USP3: variants seen among roughly 807,000 people sequenced by gnomAD.
USP3 encodes the protein ubiquitin carboxyl-terminal hydrolase 3.
USP3 carries 20 observed loss-of-function variants against 72.3 expected under a neutral mutation model. The observed-to-expected ratio is 0.28, with a 90% CI of 0.19 to 0.40. The LOEUF is 0.40. Ranked by LOEUF, USP3 falls within the 10% of genes least tolerant of loss-of-function variation. USP3 has a pLI of 1.00. For missense variants in USP3, 479 were observed against 633.9 expected (o/e 0.76, Z 2.62); for synonymous variants, 222 against 225.3 (o/e 0.99, Z 0.13).
At position 63,590,652 on chromosome 15, in the gene USP3, C is replaced by T. The variant is rs1340529509; in HGVS notation, c.1398-9C>T. The T allele has an allele frequency of 3.9e-6, 6 of 1,542,484 alleles. No individual in the cohort carries two copies. Among genetic ancestry groups the T allele is most frequent in the Non-Finnish European group, 4.4e-6 (5 of 1,143,996 alleles). ...GGTTCTTTTTTCCTTTGGTCTTTTG[C>T]CTTTACAGGGTTGGTTCTGGACATT... On this transcript the variant is annotated splice_polypyrimidine_tract_variant and intron_variant, in intron 14 of 14. Transcript: ENST00000380324.
At chr15:63,557,725 G>C (rs2066537371) in intron 5 of USP3, among the ~76,000 whole-genome samples, 1 of 152,150 alleles carries the variant, frequency 6.6e-6, no homozygotes, top group Non-Finnish European at 1.5e-5. Flanking sequence ...AAAAATACTT[G>C]GGGTGTATAT....
At chr15:63,547,219 T>C (rs559936559) in intron 3 of USP3, among the ~76,000 whole-genome samples, 1 of 152,306 alleles carries the variant, frequency 6.6e-6, no homozygotes, top group African/African-American at 2.4e-5. Context: ...GCTGTTTTCC[T>C]TAAAGAATAG....
At chr15:63,530,998 G>A (rs2066066521) in intron 1 of USP3, among the ~76,000 whole-genome samples, 1 of 152,204 alleles carries the variant, frequency 6.6e-6, no homozygotes, top group South Asian at 2.1e-4. Context: ...AATGCCTTCA[G>A]TGCCTTCAAG....
At chr15:63,510,754 G>A (rs779236323) in intron 1 of USP3, among the ~76,000 whole-genome samples, 4 of 152,166 alleles carry the variant, frequency 2.6e-5, no homozygotes, top group Non-Finnish European at 5.9e-5. Flanking sequence ...ATTAACAACA[G>A]TAACAGCTTG....
chr15:63,560,428 A>AAAT (rs1198745237), intron 7 of USP3, among the ~76,000 whole-genome samples: 1 of 151,948 alleles, frequency 6.6e-6, no homozygotes, highest in Non-Finnish European at 1.5e-5. Flanking sequence ...AAAAAAAAAA[A>AAAT]AAAATTGTTG....
At chr15:63,531,811 T>TC (rs1356794011) in intron 1 of USP3, among the ~76,000 whole-genome samples, 4 of 152,140 alleles carry the variant, frequency 2.6e-5, no homozygotes, top group African/African-American at 9.7e-5. Flanking sequence ...GACTAGTGGC[T>TC]CCCAAGGGGC....
chr15:63,558,557 A>AC (rs926986687), intron 6 of USP3, among the ~76,000 whole-genome samples: 87 of 148,298 alleles, frequency 5.9e-4, no homozygotes, highest in African/African-American at 1.2e-3. Context: ...GATATCCCCC[A>AC]CCCCCCCGCT....
At chr15:63,577,796 G>A (rs1223138576) in intron 11 of USP3, among the ~76,000 whole-genome samples, 1 of 151,994 alleles carries the variant, frequency 6.6e-6, no homozygotes, top group Non-Finnish European at 1.5e-5. Flanking sequence ...GGGCATGGTG[G>A]TATATGCCTA....
intron 11 of USP3, among the ~76,000 whole-genome samples, chr15:63,575,046 T>A (rs1389449182): frequency 2.6e-5 from 4 of 152,146 alleles, no homozygotes; most frequent in African/African-American, 9.7e-5. Flanking sequence ...AGGCCGAGTC[T>A]GTATTTTATC....
chr15:63,542,168 T>A (rs1209508553), intron 3 of USP3: 1 of 985,112 alleles, frequency 1.0e-6, no homozygotes, highest in African/African-American at 1.7e-5. Flanking sequence ...TGAAAAAAAC[T>A]TAGAATTTTA....
At chr15:63,545,970 CAAAAAAAAAA>C (rs60122671) in intron 3 of USP3, among the ~76,000 whole-genome samples, 4 of 68,852 alleles carry the variant, frequency 5.8e-5, no homozygotes, top group African/African-American at 1.8e-4. Flanking sequence ...GACCTTGTCT[CAAAAAAAAAA>C]AAAAAAAAAA....
At chr15:63,519,576 G>A (rs2065891947) in intron 1 of USP3, among the ~76,000 whole-genome samples, 1 of 152,044 alleles carries the variant, frequency 6.6e-6, no homozygotes, top group Non-Finnish European at 1.5e-5. Flanking sequence ...GGTAATATTT[G>A]GTAGGTTAAT....
chr15:63,550,515 TA>T (rs1416767493), intron 3 of USP3, among the ~76,000 whole-genome samples: 2 of 152,258 alleles, frequency 1.3e-5, no homozygotes, highest in African/African-American at 4.8e-5. Flanking sequence ...ATCTACAACA[TA>T]AGATCAGTTT....
At chr15:63,506,009 T>A (rs1488436095) in intron 1 of USP3, among the ~76,000 whole-genome samples, 3 of 152,168 alleles carry the variant, frequency 2.0e-5, no homozygotes, top group African/African-American at 7.2e-5. Flanking sequence ...CATCGGTAGG[T>A]CCACAAAGAA....
intron 4 of USP3, among the ~76,000 whole-genome samples, chr15:63,555,443 T>A (rs2152670572): frequency 6.6e-6 from 1 of 151,834 alleles, no homozygotes; most frequent in African/African-American, 2.4e-5. Flanking sequence ...CTAGTGCAAC[T>A]GAGACACTGA....
chr15:63,512,301 C>T (rs371471748), intron 1 of USP3, among the ~76,000 whole-genome samples: 12 of 148,270 alleles, frequency 8.1e-5, no homozygotes, highest in East Asian at 5.8e-4. Flanking sequence ...TCTTCTTCTT[C>T]CTCCTCTTCT....
chr15:63,576,834 G>T (rs1042720131), intron 11 of USP3, among the ~76,000 whole-genome samples: 3 of 152,116 alleles, frequency 2.0e-5, no homozygotes, highest in Admixed American at 2.0e-4. Flanking sequence ...CTGTGTTTTT[G>T]TTGACCACCC....
At position 63,529,515 on chromosome 15, in the gene USP3, A is replaced by T; in HGVS notation, c.92-3132A>T. 6.6e-6 allele frequency among the ~76,000 whole-genome samples: 1 copy of T among 152,146 alleles called. No individual in the cohort carries two copies. The highest frequency in any genetic ancestry group is 1.9e-4 in the East Asian group (1 of 5,202). ...CAGTCTTAGAGTTTTTTGGTTTTTT[A>T]AAATGTGTTATTGAATTGAGAAATT... On this transcript the variant is annotated intron_variant, in intron 1 of 14. Coordinates refer to ENST00000380324, the MANE Select transcript of USP3 (RefSeq NM_006537.4). The surrounding 1 kb of genome is among the most constrained non-coding windows in gnomAD (Gnocchi z 4.2).
At chr15:63,507,814 A>G (rs62011291) in intron 1 of USP3, among the ~76,000 whole-genome samples, 25,136 of 152,180 alleles carry the variant, frequency 0.17, 2,764 homozygotes, top group Middle Eastern at 0.28. Context: ...CGTGTAGCTT[A>G]TATCTGTTGA....
Sources: gnomAD v4.1 joint callset for allele counts (sites outside exome capture counted in the v4.1 genomes callset) on GRCh38, gnomAD v4.1.1 for gene constraint, Gnocchi (gnomAD v3.1) non-coding constraint, MANE v1.5 for transcripts, NCBI Gene and HGNC (gene_info 2026-07-23, HGNC 2026-07-21) for gene names.